RBFOX1: variants seen among roughly 807,000 people sequenced by gnomAD.
The protein encoded by RBFOX1 is RNA binding protein fox-1 homolog 1.
In RBFOX1, 8 loss-of-function variants were observed where a neutral mutation model predicts 57.7. The ratio of observed to expected loss-of-function variants is 0.14; its 90% CI spans 0.08 to 0.25. RBFOX1 has a LOEUF of 0.25. Ranked by LOEUF, RBFOX1 falls within the 10% of genes least tolerant of loss-of-function variation. The pLI is 1.00. For missense variants in RBFOX1, 611 were observed against 548.5 expected, an observed-to-expected ratio of 1.11 and a Z score of -1.14; for synonymous variants, 326 against 222.4, an observed-to-expected ratio of 1.47 and a Z score of -4.15.
intron 14 of RBFOX1, among the ~76,000 whole-genome samples, chr16:7,691,739 A>C (rs1011637646): frequency 6.6e-6 from 1 of 152,128 alleles, no homozygotes; most frequent in African/African-American, 2.4e-5. Context: ...CCTTAGGGAA[A>C]ATTGCAGAAA....
At chr16:5,646,283 C>T (rs1468212014) in intron 3 of RBFOX1, among the ~76,000 whole-genome samples, 1 of 151,434 alleles carries the variant, frequency 6.6e-6, no homozygotes. Flanking sequence ...CCTCGGCCTC[C>T]CAAAGTGCTG....
At chr16:5,277,640 C>G (rs1202833264) in intron 1 of RBFOX1, among the ~76,000 whole-genome samples, 1 of 152,080 alleles carries the variant, frequency 6.6e-6, no homozygotes, top group Non-Finnish European at 1.5e-5. Flanking sequence ...AGCTCCAGGG[C>G]ACACAAGTCC....
chr16:7,693,237 T>C, intron 14 of RBFOX1: 1 of 1,229,790 alleles, frequency 8.1e-7, no homozygotes, highest in Admixed American at 1.7e-5. Context: ...TCCCCTCATC[T>C]GTACACATCG....
chr16:5,609,712 G>A (rs1596442447), intron 3 of RBFOX1, among the ~76,000 whole-genome samples: 1 of 152,150 alleles, frequency 6.6e-6, no homozygotes, highest in South Asian at 2.1e-4. Flanking sequence ...CTCATGCCTT[G>A]TGTCCTTTAC....
At position 5,521,990 on chromosome 16, in the gene RBFOX1, A is replaced by T. The variant is rs540430603; in HGVS notation, c.258+54736A>T. 1.1e-3 allele frequency among the ~76,000 whole-genome samples: 161 copies of T among 152,310 alleles called. 1 individual carries two copies. In the Middle Eastern group the frequency reaches 0.027, roughly 26 times the overall value. On this transcript the variant is annotated intron_variant, in intron 2 of 2. Transcript: ENST00000585867. ...AAAGACTTACTAGGCTGTAAGATAC[A>T]CAGGGGCTGTGACTTCCTCATCTCT...
At chr16:6,323,770 A>G (rs1313380800) in intron 2 of RBFOX1, among the ~76,000 whole-genome samples, 1 of 150,800 alleles carries the variant, frequency 6.6e-6, no homozygotes, top group Non-Finnish European at 1.5e-5. Flanking sequence ...ATAGTAGTGA[A>G]GTCTGTGCTT....
rs149700213 is a variant in RBFOX1 at position 6,844,633 on chromosome 16, G to C, written c.-16+189983G>C. Among the ~76,000 whole-genome samples the C allele has an allele frequency of 3.9e-3, 597 of 152,094 alleles. 5 individuals carry two copies. Among genetic ancestry groups the C allele is most frequent in the African/African-American group, 0.014 (573 of 41,474 alleles). On this transcript the variant is annotated intron_variant, in intron 3 of 15. Transcript: ENST00000550418. Reference sequence around the variant, plus strand: ...CCTTGTCTTTGCTATCGTGAATAGTGCTGCAATTAACTTACATGTGCACAT... The same window carrying C: ...CCTTGTCTTTGCTATCGTGAATAGTCCTGCAATTAACTTACATGTGCACAT...
chr16:6,422,675 C>A (rs1039666798), intron 2 of RBFOX1, among the ~76,000 whole-genome samples: 3 of 152,058 alleles, frequency 2.0e-5, no homozygotes, highest in African/African-American at 7.2e-5. Flanking sequence ...ACAAGAGGGG[C>A]GGCGCTGAAC....
intron 15 of RBFOX1, chr16:7,710,398 TG>T: frequency 7.2e-7 from 1 of 1,387,590 alleles, no homozygotes; most frequent in South Asian, 1.8e-5. Context: ...CTAAGAGGAC[TG>T]GCTGACAGAA....
At chr16:5,845,302 C>T (rs2056727028) in intron 3 of RBFOX1, among the ~76,000 whole-genome samples, 1 of 152,136 alleles carries the variant, frequency 6.6e-6, no homozygotes, top group Admixed American at 6.5e-5. Flanking sequence ...TCATTTCCTC[C>T]TTCTTCTGGA....
intron 2 of RBFOX1, among the ~76,000 whole-genome samples, chr16:5,493,875 A>G (rs2042915101): frequency 6.6e-6 from 1 of 152,222 alleles, no homozygotes; most frequent in Non-Finnish European, 1.5e-5. Flanking sequence ...TAGCCAAAAT[A>G]TGAAATTAAT....
intron 1 of RBFOX1, among the ~76,000 whole-genome samples, chr16:6,106,472 TAAA>T (rs113891633): frequency 1.5e-5 from 2 of 131,456 alleles, no homozygotes; most frequent in Non-Finnish European, 3.1e-5. Flanking sequence ...GTCTCAAAAA[TAAA>T]AAAAAAAAAA....
chr16:7,124,141 T>A (rs1287203849), intron 4 of RBFOX1, among the ~76,000 whole-genome samples: 1 of 152,190 alleles, frequency 6.6e-6, no homozygotes, highest in Non-Finnish European at 1.5e-5. Flanking sequence ...AACTTGTACA[T>A]AAAATAAAAG....
intron 3 of RBFOX1, among the ~76,000 whole-genome samples, chr16:6,819,248 A>T (rs1303138930): frequency 6.6e-6 from 1 of 152,160 alleles, no homozygotes; most frequent in African/African-American, 2.4e-5. Flanking sequence ...ATCCTGCATC[A>T]TTTAACTTTG....
chr16:6,252,742 G>T (rs1432680355), intron 1 of RBFOX1, among the ~76,000 whole-genome samples: 1 of 152,208 alleles, frequency 6.6e-6, no homozygotes, highest in East Asian at 1.9e-4. Context: ...TACATAATTA[G>T]CATGGAGCAG....
chr16:6,496,248 T>C (rs1045904575), intron 2 of RBFOX1, among the ~76,000 whole-genome samples: 1 of 152,200 alleles, frequency 6.6e-6, no homozygotes, highest in Non-Finnish European at 1.5e-5. Context: ...TTGACATAAA[T>C]GGTGACAGTG....
At chr16:5,739,989 C>T (rs572943920) in intron 3 of RBFOX1, among the ~76,000 whole-genome samples, 1 of 152,306 alleles carries the variant, frequency 6.6e-6, no homozygotes, top group South Asian at 2.1e-4. Context: ...GGGGAGGGAT[C>T]AGTGTGGCCA....
chr16:7,002,463 C>A (rs569460544), intron 3 of RBFOX1, among the ~76,000 whole-genome samples: 1 of 152,288 alleles, frequency 6.6e-6, no homozygotes, highest in Admixed American at 6.5e-5. Context: ...GTCTGTAATT[C>A]CAGCACTTGG....
At chr16:6,540,329 T>G (rs1027897167) in intron 2 of RBFOX1, among the ~76,000 whole-genome samples, 3 of 149,852 alleles carry the variant, frequency 2.0e-5, no homozygotes, top group Admixed American at 6.7e-5. Context: ...AAAACTCAAC[T>G]CAGGCCTAGC....
Sources: gnomAD v4.1 joint callset for allele counts (sites outside exome capture counted in the v4.1 genomes callset) on GRCh38, gnomAD v4.1.1 for gene constraint, MANE v1.5 for transcripts, NCBI Gene and HGNC (gene_info 2026-07-23, HGNC 2026-07-21) for gene names.